Variants in STK10 observed in about 807,000 individuals in gnomAD.
The protein encoded by STK10 is serine/threonine kinase 10, also known as serine/threonine-protein kinase 10.
STK10 carries 78 observed loss-of-function variants against 113.8 expected under a neutral mutation model. The observed-to-expected ratio is 0.69, with a 90% confidence interval of 0.57 to 0.83. STK10 has a LOEUF of 0.83. STK10 is among the 40% of genes least tolerant of loss of function. The pLI is 0.00. For synonymous variants in STK10, 465 were observed against 494.7 expected (o/e 0.94, Z 0.80); for missense variants, 1,109 against 1,280.1 (o/e 0.87, Z 2.04).
At chr5:172,144,770 C>T (rs1048366923) in intron 2 of STK10, among the ~76,000 whole-genome samples, 4 of 152,108 alleles carry the variant, frequency 2.6e-5, no homozygotes, top group African/African-American at 7.2e-5. Flanking sequence ...GGTTCCTAAG[C>T]GTGTACGTGC....
intron 2 of STK10, among the ~76,000 whole-genome samples, chr5:172,154,672 T>C (rs1219334771): frequency 2.0e-5 from 3 of 152,198 alleles, no homozygotes; most frequent in African/African-American, 7.2e-5. Context: ...AGTGACAATT[T>C]AGGGACGGAA....
rs369583718 is a variant in STK10, at chr5:172,156,613, G to A, written c.321+11C>T. On this transcript the variant is annotated intron_variant, in intron 2 of 18. Transcript: ENST00000176763. The stretch of plus-strand genomic sequence containing the variant: ...GGGGCTGAGCTGGGACAGACAGGGC[G>A]GCAGCCTTACCCACAGCTTCCCGTC... 15 of 1,609,954 alleles carry A rather than the reference G, an allele frequency of 9.3e-6. No individual in the cohort carries two copies. The East Asian group carries it at 1.1e-4, about 12-fold the overall frequency.
At chr5:172,061,410 G>C (rs1767934250) in intron 13 of STK10, 142 bp from the exon 14 acceptor site, 1 of 1,231,614 alleles carries the variant, frequency 8.1e-7, no homozygotes, top group Admixed American at 2.7e-5. Flanking sequence ...AGAAATTTAA[G>C]GGAGACTTAG....
intron 1 of STK10, among the ~76,000 whole-genome samples, chr5:172,163,923 G>C (rs912732914): frequency 9.2e-5 from 14 of 152,016 alleles, no homozygotes; most frequent in African/African-American, 3.4e-4. Flanking sequence ...CTCAAGAATA[G>C]GCACGTGGCC....
intron 1 of STK10, among the ~76,000 whole-genome samples, chr5:172,183,441 A>G (rs558292450): frequency 2.7e-5 from 4 of 149,804 alleles, no homozygotes; most frequent in African/African-American, 9.9e-5. Context: ...GAAACCATAT[A>G]GCTTGTAAAC....
intron 7 of STK10, among the ~76,000 whole-genome samples, chr5:172,101,090 G>A (rs1034302769): frequency 6.6e-6 from 1 of 152,222 alleles, no homozygotes; most frequent in Non-Finnish European, 1.5e-5. Flanking sequence ...GCGTTGGTAT[G>A]AGGATTAAAT....
At chr5:172,181,930 G>C (rs937777943) in intron 1 of STK10, among the ~76,000 whole-genome samples, 10 of 152,168 alleles carry the variant, frequency 6.6e-5, no homozygotes, top group Admixed American at 3.9e-4. Flanking sequence ...AGACGCTGAT[G>C]GAACCCAGGG....
At chr5:172,135,307 G>A (rs562305056) in intron 2 of STK10, among the ~76,000 whole-genome samples, 1 of 152,224 alleles carries the variant, frequency 6.6e-6, no homozygotes, top group Admixed American at 6.5e-5. Context: ...GAGGTCAGGA[G>A]TTTGAGACAG....
chr5:172,063,067 T>C (rs1038638785), intron 13 of STK10, among the ~76,000 whole-genome samples: 8 of 152,066 alleles, frequency 5.3e-5, no homozygotes, highest in South Asian at 2.1e-4. Flanking sequence ...CTGGCCAACA[T>C]GGTGAAACCC....
chr5:172,138,913 C>A (rs1769923520), intron 2 of STK10, among the ~76,000 whole-genome samples: 1 of 152,126 alleles, frequency 6.6e-6, no homozygotes, highest in Non-Finnish European at 1.5e-5. Flanking sequence ...ACTCGGGAGG[C>A]TGAGGCAGGA....
rs1159424183 is a variant in STK10, at chr5:172,112,416, C to CTT, written c.521-4566_521-4565dup. Among the ~76,000 whole-genome samples the CTT allele has an allele frequency of 6.5e-3, 664 of 102,940 alleles. 4 individuals are homozygous for CTT. The highest frequency in any genetic ancestry group is 0.013 in the Middle Eastern group (2 of 156). 67.5% of individuals were successfully genotyped at this position (102,940 alleles called of 152,430 possible). A position where few individuals can be genotyped will look rare whatever the true frequency, so the allele number is the denominator to read the frequency against. ...GGGGCAGTGCACAGAAGGGACCTTA[C>CTT]TTTTTTTTTTTTTTTTTTTTTTTGA... On this transcript the variant is annotated intron_variant, in intron 4 of 18. Coordinates refer to ENST00000176763, the MANE Select transcript of STK10 (RefSeq NM_005990.4).
At chr5:172,117,677 A>G (rs1440140181) in intron 3 of STK10, 47 bp from the exon 4 acceptor site, 3 of 1,605,434 alleles carry the variant, frequency 1.9e-6, no homozygotes, top group South Asian at 1.1e-5. Flanking sequence ...CCCTGGACAC[A>G]GGAAACTGAA....
chr5:172,114,550 T>TCGGCTCA (rs1453411500), intron 4 of STK10: 4 of 130,352 alleles, frequency 3.1e-5, no homozygotes, highest in African/African-American at 1.2e-4. Flanking sequence ...TGGCGCAATC[T>TCGGCTCA]CGGCTCACTG....
chr5:172,071,975 T>C (rs905396322), intron 12 of STK10, among the ~76,000 whole-genome samples: 1 of 152,164 alleles, frequency 6.6e-6, no homozygotes, highest in African/African-American at 2.4e-5. Flanking sequence ...CACAGATCGA[T>C]ATCCTTCATG....
intron 18 of STK10, among the ~76,000 whole-genome samples, chr5:172,047,735 G>C (rs1467802514): frequency 6.6e-6 from 1 of 152,126 alleles, no homozygotes; most frequent in Admixed American, 6.6e-5. Context: ...TTCAGGACCC[G>C]TGGGCATGAG....
chr5:172,165,216 G>A (rs1040546017), intron 1 of STK10, among the ~76,000 whole-genome samples: 2 of 149,554 alleles, frequency 1.3e-5, no homozygotes, highest in African/African-American at 2.4e-5. Flanking sequence ...ACCGCTTCCC[G>A]GGAAATAGCT....
At chr5:172,140,560 G>A (rs1022903317) in intron 2 of STK10, among the ~76,000 whole-genome samples, 1 of 152,192 alleles carries the variant, frequency 6.6e-6, no homozygotes, top group Admixed American at 6.5e-5. Context: ...AGCCTGGTGT[G>A]GTGGCACATG....
chr5:172,060,702 A>C (rs781228523), intron 14 of STK10, among the ~76,000 whole-genome samples: 41 of 152,092 alleles, frequency 2.7e-4, no homozygotes, highest in Non-Finnish European at 5.4e-4. Context: ...AAGAATAGTA[A>C]CTCTCCAAGC....
At position 172,120,079 on chromosome 5, in the gene STK10, A is replaced by G. The variant is rs1176417491; in HGVS notation, c.371-2449T>C. Among the ~76,000 whole-genome samples, 1 of 151,914 alleles carries G rather than the reference A, an allele frequency of 6.6e-6. No individual in the cohort carries two copies. Among genetic ancestry groups the G allele is most frequent in the Non-Finnish European group, 1.5e-5 (1 of 67,968 alleles). On this transcript the variant is annotated intron_variant, in intron 3 of 18. Coordinates refer to ENST00000176763, the MANE Select transcript of STK10 (RefSeq NM_005990.4). This position sits in a 1 kb window ranked among gnomAD's most constrained non-coding sequence, Gnocchi z 4.0. ...GGGAGGAGGGGAGTGAGAAGATTCC[A>G]AGGTGACAGCCTTGTGCTCTGCGTC...
Sources: allele counts gnomAD v4.1 joint callset (sites outside exome capture counted in the v4.1 genomes callset), GRCh38; gene constraint gnomAD v4.1.1; non-coding constraint Gnocchi (gnomAD v3.1); transcripts MANE v1.5; gene names NCBI Gene and HGNC (gene_info 2026-07-23, HGNC 2026-07-21).